CISD1: variants seen among roughly 807,000 people sequenced by gnomAD.
CISD1 encodes CDGSH iron-sulfur domain-containing protein 1.
In CISD1, 8 loss-of-function variants were observed where a neutral mutation model predicts 12.0. The ratio of observed to expected loss-of-function variants is 0.67; its 90% CI spans 0.39 to 1.20. CISD1 has a LOEUF of 1.20. CISD1 is among the 50% of genes most tolerant of loss of function. The pLI is 0.01. For missense variants in CISD1, 107 were observed against 132.7 expected, an observed-to-expected ratio of 0.81 and a Z score of 0.95; for synonymous variants, 38 against 42.2, an observed-to-expected ratio of 0.90 and a Z score of 0.39.
rs1264076398 is a variant in CISD1, at chr10:58,287,553, C to G, written c.238-8C>G. 6.3e-7 allele frequency: 1 copy of G among 1,590,708 alleles called. No individual in the cohort carries two copies. The highest frequency in any genetic ancestry group is 1.1e-5 in the South Asian group (1 of 88,240). ...TAGATGTTTCACATTCATTCTTTCT[C>G]TTCCTAGTTCCCATTCTGTGATGGG... On this transcript the variant is annotated splice_polypyrimidine_tract_variant and splice_region_variant and intron_variant, in intron 2 of 2. Transcript: ENST00000333926.
In CISD1 at chr10:58,271,043, A is replaced by ATTTTTTTTTTTT. The variant is rs775206917; in HGVS notation, c.31+1742_31+1753dup. Among the ~76,000 whole-genome samples, 387 of 128,694 alleles carry ATTTTTTTTTTTT rather than the reference A, an allele frequency of 3.0e-3. 22 individuals carry two copies. The highest frequency in any genetic ancestry group is 0.012 in the African/African-American group (353 of 30,080). The allele number at this position is 128,694 out of a possible 152,430, so 84.4% of individuals were successfully genotyped here. On this transcript the variant is annotated intron_variant, in intron 1 of 2. Coordinates refer to ENST00000333926, the MANE Select transcript of CISD1 (RefSeq NM_018464.5). ...TGAGACACCACACGTTGCCATGACTATTTTTTTTTTTTTTGAGGCGGAGTC... is the reference window on the plus strand; with the variant it reads ...TGAGACACCACACGTTGCCATGACTATTTTTTTTTTTTTTTTTTTTTTTTTTGAGGCGGAGTC...
Position 58,277,183 on chromosome 10 carries a change from G to C in CISD1, c.98G>C (p.Arg33Thr), listed in dbSNP as rs1246788002. Residue 33 changes from arginine to threonine, a missense_variant, in exon 2 of 3, where the codon AGA becomes ACA. Coordinates refer to ENST00000333926, the MANE Select transcript of CISD1 (RefSeq NM_018464.5). ...TAAIGYLAYK[R>T]FYVKDHRNKA... is the part of the protein sequence containing the mutation. ...GCAATTGGTTATCTAGCTTACAAAA[G>C]ATTTTATGTTAAAGATCATCGAAAT... is the stretch of plus-strand genomic sequence containing the variant. 1 of 1,612,388 alleles carries C rather than the reference G, an allele frequency of 6.2e-7. No homozygotes were observed. The highest frequency in any genetic ancestry group is 8.5e-7 in the Non-Finnish European group (1 of 1,179,180).
chr10:58,277,678 T>C (rs1839331178), intron 2 of CISD1, among the ~76,000 whole-genome samples: 1 of 151,934 alleles, frequency 6.6e-6, no homozygotes, highest in Non-Finnish European at 1.5e-5. Flanking sequence ...TTTTCTAAAA[T>C]ATCTAACCAG....
chr10:58,283,648 A>C (rs953046859), intron 2 of CISD1, among the ~76,000 whole-genome samples: 1 of 152,236 alleles, frequency 6.6e-6, no homozygotes, highest in Non-Finnish European at 1.5e-5. Flanking sequence ...TGGGGCCATT[A>C]AAAAGAAATG....
At chr10:58,270,915 G>T (rs1839239227) in intron 1 of CISD1, among the ~76,000 whole-genome samples, 2 of 151,388 alleles carry the variant, frequency 1.3e-5, no homozygotes, top group African/African-American at 2.5e-5. Flanking sequence ...CCAAGCTGGA[G>T]TGCAGTGTTG....
chr10:58,270,240 ATAGG>A (rs1310717493), intron 1 of CISD1, among the ~76,000 whole-genome samples: 1 of 152,222 alleles, frequency 6.6e-6, no homozygotes, highest in Non-Finnish European at 1.5e-5. Flanking sequence ...TAATTTTTTA[ATAGG>A]TAGTTTCCAA....
Position 58,278,092 on chromosome 10 carries a change from G to A in CISD1, c.237+770G>A, listed in dbSNP as rs376885719. 2.6e-5 allele frequency among the ~76,000 whole-genome samples: 4 copies of A among 152,102 alleles called. No individual in the cohort carries two copies. The South Asian group carries it at 6.2e-4, about 24-fold the overall frequency. On this transcript the variant is annotated intron_variant, in intron 2 of 2. Coordinates refer to ENST00000333926, the MANE Select transcript of CISD1 (RefSeq NM_018464.5). ...GAGGTGTCATCTATGAAACCTGCAG[G>A]TTTTAGACATGATGGCAGCTAGTGA...
rs12220428 is a variant in CISD1, at chr10:58,282,116, C to G, written c.237+4794C>G. On this transcript the variant is annotated intron_variant, in intron 2 of 2. Transcript: ENST00000333926. The stretch of plus-strand genomic sequence containing the variant: ...AGCCGTGATTACAGGCATGCACAAC[C>G]ATGCCTGGCTAATTTTTGTATTCTT... Among the ~76,000 whole-genome samples the G allele has an allele frequency of 1.8e-3, 277 of 152,260 alleles. 6 individuals carry two copies. The East Asian group carries it at 0.045, about 25-fold the overall frequency.
At chr10:58,281,296 G>A (rs912408746) in intron 2 of CISD1, among the ~76,000 whole-genome samples, 12 of 152,200 alleles carry the variant, frequency 7.9e-5, no homozygotes, top group African/African-American at 2.9e-4. Flanking sequence ...GCCATTTCCT[G>A]TAGGTGGACT....
At position 58,288,385 on chromosome 10, in the gene CISD1, A is replaced by T. The variant is rs1839452877; in HGVS notation, c.*735A>T. ...AATGTCTTAAAATCTAATGTTCCAG[A>T]ATTCTGGCCCAAGGAATGGTAAGCA... On this transcript the variant is annotated 3_prime_UTR_variant, in exon 3 of 3. Transcript: ENST00000333926. The T allele has an allele frequency of 6.6e-6, 1 of 152,310 alleles. No individual in the cohort carries two copies. The highest frequency in any genetic ancestry group is 1.5e-5 in the Non-Finnish European group (1 of 67,992). The allele number at this position is 152,310 out of a possible 1,614,324, so 9.4% of individuals were successfully genotyped here.
At chr10:58,277,690 A>G (rs746482579) in intron 2 of CISD1, among the ~76,000 whole-genome samples, 1 of 151,654 alleles carries the variant, frequency 6.6e-6, no homozygotes, top group Non-Finnish European at 1.5e-5. Context: ...TCTAACCAGT[A>G]TGCAGTAGAA....
At chr10:58,269,953 G>T (rs1057005443) in intron 1 of CISD1, among the ~76,000 whole-genome samples, 2 of 152,144 alleles carry the variant, frequency 1.3e-5, no homozygotes, top group Admixed American at 6.5e-5. Context: ...ACAGTATTTC[G>T]CAGAAAGTCC....
chr10:58,281,793 C>T (rs1008109608), intron 2 of CISD1, among the ~76,000 whole-genome samples: 1 of 152,126 alleles, frequency 6.6e-6, no homozygotes, highest in Admixed American at 6.5e-5. Context: ...TCACTAGTAA[C>T]CTGTTGTGTG....
chr10:58,283,190 C>G (rs1554826866), intron 2 of CISD1: 1 of 151,844 alleles, frequency 6.6e-6, no homozygotes, highest in Non-Finnish European at 1.5e-5. Context: ...AATCCTCCAT[C>G]CTGTTAATGG....
At chr10:58,274,440 C>CTTTT (rs34405014) in intron 1 of CISD1, among the ~76,000 whole-genome samples, 7 of 79,148 alleles carry the variant, frequency 8.8e-5, no homozygotes, top group African/African-American at 3.4e-4. Flanking sequence ...AAAATAACAA[C>CTTTT]TTTTTTTTTT....
Position 58,271,043 on chromosome 10 carries a change from A to ATTTTTTTTTTTTTT in CISD1, c.31+1740_31+1753dup, listed in dbSNP as rs775206917. ...TGAGACACCACACGTTGCCATGACT[A>ATTTTTTTTTTTTTT]TTTTTTTTTTTTTTGAGGCGGAGTC... On this transcript the variant is annotated intron_variant, in intron 1 of 2. Transcript: ENST00000333926. 1.5e-3 allele frequency among the ~76,000 whole-genome samples: 199 copies of ATTTTTTTTTTTTTT among 128,676 alleles called. 6 individuals carry two copies. The highest frequency in any genetic ancestry group is 5.4e-3 in the African/African-American group (161 of 30,086). 84.4% of individuals were successfully genotyped at this position (128,676 alleles called of 152,430 possible).
rs552064955 is a variant in CISD1, at chr10:58,286,860, A to T, written c.238-701A>T. On this transcript the variant is annotated intron_variant, in intron 2 of 2. Transcript: ENST00000333926. ...TTTGTATGAAAGTGGAGAAATTGAG[A>T]ATATGAAAAAATAAGCAAAATGAAA... Among the ~76,000 whole-genome samples, 15 of 152,370 alleles carry T rather than the reference A, an allele frequency of 9.8e-5. No homozygotes were observed. In the South Asian group the frequency reaches 1.2e-3, roughly 13 times the overall value.
intron 2 of CISD1, among the ~76,000 whole-genome samples, 164 bp from the exon 3 acceptor site, chr10:58,287,397 C>G (rs545524205): frequency 6.6e-6 from 1 of 152,210 alleles, no homozygotes; most frequent in Admixed American, 6.5e-5. Flanking sequence ...ATTTCTTCAT[C>G]TTACTAAGTA....
chr10:58,275,662 C>G (rs952693665), intron 1 of CISD1, among the ~76,000 whole-genome samples: 1 of 152,010 alleles, frequency 6.6e-6, no homozygotes, highest in Non-Finnish European at 1.5e-5. Context: ...AAAATACTAC[C>G]GTGGTTGAAA....
Sources: gnomAD v4.1 joint callset for allele counts (sites outside exome capture counted in the v4.1 genomes callset) on GRCh38, gnomAD v4.1.1 for gene constraint, MANE v1.5 for transcripts, NCBI Gene and HGNC (gene_info 2026-07-23, HGNC 2026-07-21) for gene names.